Variants in TRIO observed in about 807,000 individuals in gnomAD.
TRIO encodes the protein triple functional domain protein.
TRIO carries 58 observed loss-of-function variants against 351.9 expected under a neutral mutation model. That is an observed-to-expected ratio of 0.16 (90% CI 0.13 to 0.21). The LOEUF is 0.21. Ranked by LOEUF, TRIO falls within the 10% of genes least tolerant of loss-of-function variation. TRIO has a pLI of 1.00. For missense variants in TRIO, 3,201 were observed against 4,027.8 expected (o/e 0.79, Z 5.56); for synonymous variants, 1,758 against 1,595.7 (o/e 1.10, Z -2.42).
At chr5:14,328,200 C>G (rs966099093) in intron 9 of TRIO, among the ~76,000 whole-genome samples, 1 of 152,092 alleles carries the variant, frequency 6.6e-6, no homozygotes, top group African/African-American at 2.4e-5. Context: ...TAAAACAACG[C>G]GCTCAATACA....
intron 1 of TRIO, among the ~76,000 whole-genome samples, chr5:14,207,689 G>T (rs1211058920): frequency 6.6e-6 from 1 of 151,864 alleles, no homozygotes; most frequent in Non-Finnish European, 1.5e-5. Context: ...TCCACCCTGG[G>T]CAATAGAGCA....
At chr5:14,301,005 G>T (rs971224593) in intron 7 of TRIO, among the ~76,000 whole-genome samples, 2 of 152,154 alleles carry the variant, frequency 1.3e-5, no homozygotes, top group African/African-American at 4.8e-5. Flanking sequence ...ATGGATGGGA[G>T]TGCAGTTCAC....
Position 14,435,045 on chromosome 5 carries a change from C to T in TRIO, c.5203+15024C>T, listed in dbSNP as rs144702522. Among the ~76,000 whole-genome samples the T allele has an allele frequency of 1.0e-3, 154 of 152,320 alleles. 1 individual carries two copies. Among genetic ancestry groups the T allele is most frequent in the African/African-American group, 3.3e-3 (136 of 41,570 alleles). On this transcript the variant is annotated intron_variant, in intron 34 of 56. Transcript: ENST00000344204. ...GTCAGGGGTACAGGGTATCCTGAGA[C>T]GTCTCCCTGTCGGTGTGTGGACCTT...
At chr5:14,242,409 C>A (rs1314142006) in intron 1 of TRIO, among the ~76,000 whole-genome samples, 1 of 152,196 alleles carries the variant, frequency 6.6e-6, no homozygotes, top group Non-Finnish European at 1.5e-5. Context: ...CAAATCAGGG[C>A]TCTTGTCAAT....
chr5:14,374,156 G>A, intron 18 of TRIO, 73 bp from the exon 19 acceptor site: 3 of 1,059,968 alleles, frequency 2.8e-6, no homozygotes, highest in African/African-American at 1.6e-5. Context: ...ACGTTAGAGT[G>A]CAGTGATGTG....
intron 8 of TRIO, among the ~76,000 whole-genome samples, chr5:14,315,568 A>G (rs1381800377): frequency 6.6e-6 from 1 of 152,114 alleles, no homozygotes; most frequent in Non-Finnish European, 1.5e-5. Context: ...TAGAAACTCA[A>G]AGAGGTTTTT....
intron 1 of TRIO, among the ~76,000 whole-genome samples, chr5:14,180,849 A>C (rs948888164): frequency 7.6e-5 from 4 of 52,974 alleles, no homozygotes; most frequent in Admixed American, 2.2e-4. Flanking sequence ...TGCCCCCACA[A>C]AAAAAAAAAA....
intron 13 of TRIO, among the ~76,000 whole-genome samples, chr5:14,361,529 C>A (rs2152338713): frequency 6.6e-6 from 1 of 152,314 alleles, no homozygotes; most frequent in Middle Eastern, 3.4e-3. Flanking sequence ...AGGCTTTGGC[C>A]AGGTTTCCTC....
chr5:14,327,269 A>T (rs187213016), intron 9 of TRIO, among the ~76,000 whole-genome samples: 1 of 152,270 alleles, frequency 6.6e-6, no homozygotes, highest in East Asian at 1.9e-4. Flanking sequence ...GGTTCAAGCG[A>T]TTCTCCTGCC....
Position 14,270,854 on chromosome 5 carries a change from A to C in TRIO, c.187A>C (p.Met63Leu), listed in dbSNP as rs1188414460. Reference sequence around the variant, plus strand: ...TCGAAAAAACGATGAAATGAAAGCTATGGATGTTTTACCAATTTTGAAGGA... The same window carrying C: ...TCGAAAAAACGATGAAATGAAAGCTCTGGATGTTTTACCAATTTTGAAGGA... Reference protein sequence around the residue: ...GFRKNDEMKAMDVLPILKEKV... With the variant: ...GFRKNDEMKALDVLPILKEKV... Residue 63 changes from methionine to leucine, a missense_variant, in exon 2 of 57, where the codon ATG becomes CTG. By Grantham distance (15) the Met-to-Leu change is conservative. Around this residue, in one of 19 missense-constraint regions of TRIO, gnomAD observed 109 missense variants for 134.6 expected, o/e 0.81. Coordinates refer to ENST00000344204, the MANE Select transcript of TRIO (RefSeq NM_007118.4). The C allele has an allele frequency of 1.2e-6, 2 of 1,614,004 alleles. No homozygotes were observed. The highest frequency in any genetic ancestry group is 3.3e-5 in the Admixed American group (2 of 60,000).
In TRIO at chr5:14,161,334, G is replaced by A. The variant is rs545632334; in HGVS notation, c.157+17452G>A. On this transcript the variant is annotated intron_variant, in intron 1 of 56. Coordinates refer to ENST00000344204, the MANE Select transcript of TRIO (RefSeq NM_007118.4). ...CTTGTACCTGTACCTCTTTGTGTTT[G>A]CTGTTCCCTCTTCTTCCTGGTTTCC... 2.0e-5 allele frequency among the ~76,000 whole-genome samples: 3 copies of A among 152,302 alleles called. No homozygotes were observed. In the South Asian group the frequency reaches 6.2e-4, roughly 32 times the overall value.
Position 14,175,864 on chromosome 5 carries a change from T to C in TRIO, c.157+31982T>C, listed in dbSNP as rs192874664. Reference sequence around the variant, plus strand: ...TCCTGGGTTGGGGAGATACACCTTATGAAAGAAAAGTTCACAAAGTGTCAT... The same window carrying C: ...TCCTGGGTTGGGGAGATACACCTTACGAAAGAAAAGTTCACAAAGTGTCAT... On this transcript the variant is annotated intron_variant, in intron 1 of 56. Coordinates refer to ENST00000344204, the MANE Select transcript of TRIO (RefSeq NM_007118.4). Among the ~76,000 whole-genome samples, 471 of 152,336 alleles carry C rather than the reference T, an allele frequency of 3.1e-3. 2 individuals carry two copies. Among genetic ancestry groups the C allele is most frequent in the Middle Eastern group, 0.014 (4 of 294 alleles).
At position 14,343,851 on chromosome 5, in the gene TRIO, C is replaced by T. The variant is rs374754580; in HGVS notation, c.2046+7124C>T. ...TTAAAAGACACTGCCAAACTGTTTT[C>T]CAGAATGAGCGTACCATGGTACATT... On this transcript the variant is annotated intron_variant, in intron 11 of 56. Transcript: ENST00000344204. Among the ~76,000 whole-genome samples the T allele has an allele frequency of 1.3e-4, 20 of 152,268 alleles. No individual in the cohort carries two copies. In the East Asian group the frequency reaches 2.5e-3, roughly 19 times the overall value.
intron 2 of TRIO, among the ~76,000 whole-genome samples, chr5:14,276,483 G>A (rs1735532121): frequency 6.6e-6 from 1 of 152,252 alleles, no homozygotes; most frequent in South Asian, 2.1e-4. Context: ...TAACAGAGTT[G>A]TATTATTTTA....
intron 1 of TRIO, among the ~76,000 whole-genome samples, chr5:14,172,042 AC>A (rs1482488776): frequency 6.6e-6 from 1 of 152,166 alleles, no homozygotes; most frequent in Admixed American, 6.5e-5. Context: ...GCATCTGAAT[AC>A]CCTTCCCTTC....
intron 10 of TRIO, among the ~76,000 whole-genome samples, chr5:14,332,693 A>C (rs1312617840): frequency 1.3e-5 from 2 of 152,198 alleles, no homozygotes; most frequent in Admixed American, 1.3e-4. Context: ...CTTATTAAAA[A>C]TACTTCCAAA....
intron 1 of TRIO, among the ~76,000 whole-genome samples, chr5:14,234,495 C>G (rs904426730): frequency 6.6e-6 from 1 of 152,156 alleles, no homozygotes; most frequent in African/African-American, 2.4e-5. Flanking sequence ...GCAGGTTTTG[C>G]AATCTCAGTA....
intron 31 of TRIO, among the ~76,000 whole-genome samples, chr5:14,404,399 C>T (rs1037134055): frequency 3.8e-4 from 58 of 152,022 alleles, no homozygotes; most frequent in African/African-American, 1.3e-3. Flanking sequence ...CATCTTTTTT[C>T]CTCGTTTAAT....
intron 11 of TRIO, among the ~76,000 whole-genome samples, chr5:14,342,198 C>G (rs1282069109): frequency 6.6e-6 from 1 of 152,152 alleles, no homozygotes; most frequent in Non-Finnish European, 1.5e-5. Context: ...CTTCTTGGTA[C>G]GTGAGGCTCT....
Sources: allele counts gnomAD v4.1 joint callset (sites outside exome capture counted in the v4.1 genomes callset), GRCh38; gene constraint gnomAD v4.1.1; regional missense constraint gnomAD v4.1.1; transcripts MANE v1.5; gene names NCBI Gene and HGNC (gene_info 2026-07-23, HGNC 2026-07-21).